RASGRP1: variants seen among roughly 807,000 people sequenced by gnomAD.
The protein encoded by RASGRP1 is RAS guanyl-releasing protein 1.
In RASGRP1, 37 loss-of-function variants were observed where a neutral mutation model predicts 95.1. The observed-to-expected ratio is 0.39, with a 90% CI of 0.30 to 0.51. The LOEUF (loss-of-function observed/expected upper bound fraction) is 0.51. Ranked by LOEUF, RASGRP1 falls within the 20% of genes least tolerant of loss-of-function variation. The probability of loss-of-function intolerance (pLI) is 0.80; values close to 1 mark genes in which losing one functional copy is unlikely to be tolerated. For synonymous variants in RASGRP1, 325 were observed against 353.4 expected, an observed-to-expected ratio of 0.92 and a Z score of 0.90; for missense variants, 711 against 965.4, an observed-to-expected ratio of 0.74 and a Z score of 3.49.
chr15:38,503,610 A>G (rs1891130506), intron 10 of RASGRP1: 1 of 523,628 alleles, frequency 1.9e-6, no homozygotes, highest in Non-Finnish European at 3.4e-6. Context: ...GCAGCTACAG[A>G]TAATTTGAAA....
intron 2 of RASGRP1, chr15:38,534,771 T>G (rs1892577631): frequency 6.6e-6 from 1 of 152,160 alleles, no homozygotes; most frequent in African/African-American, 2.4e-5. Flanking sequence ...CTCCCTCAAC[T>G]CCTGTTGCAG....
chr15:38,548,284 C>T (rs752367307), intron 2 of RASGRP1, among the ~76,000 whole-genome samples: 6 of 152,240 alleles, frequency 3.9e-5, no homozygotes, highest in Middle Eastern at 6.8e-3. Context: ...TGTTAGAGGT[C>T]GGGTGCAGTG....
chr15:38,558,944 G>A (rs770201715), intron 2 of RASGRP1, among the ~76,000 whole-genome samples: 59 of 152,060 alleles, frequency 3.9e-4, no homozygotes, highest in African/African-American at 1.2e-4. Context: ...GGTAGGCTTG[G>A]GGGGGTTGGT....
chr15:38,497,023 A>C (rs1478073095), intron 15 of RASGRP1, among the ~76,000 whole-genome samples: 1 of 152,198 alleles, frequency 6.6e-6, no homozygotes, highest in African/African-American at 2.4e-5. Flanking sequence ...GTTAAGCCCG[A>C]TTTTAAGTGC....
rs150420387 is a variant in RASGRP1, at chr15:38,488,811, A to G, written c.*1743T>C. 1.3e-5 allele frequency: 2 copies of G among 152,180 alleles called. No individual in the cohort carries two copies. The highest frequency in any genetic ancestry group is 3.9e-4 in the East Asian group (2 of 5,182). 9.4% of individuals were successfully genotyped at this position (152,180 alleles called of 1,614,324 possible). A position where few individuals can be genotyped will look rare whatever the true frequency, so the allele number is the denominator to read the frequency against. On this transcript the variant is annotated 3_prime_UTR_variant, in exon 17 of 17. Coordinates refer to ENST00000310803, the MANE Select transcript of RASGRP1 (RefSeq NM_005739.4). Reference sequence around the variant, plus strand: ...GTTTGTCCTAACTCATGCTTGTCCTATTAAAAAGAAAGTAACAAAGTGTTA... The same window carrying G: ...GTTTGTCCTAACTCATGCTTGTCCTGTTAAAAAGAAAGTAACAAAGTGTTA...
chr15:38,527,592 G>A (rs1164454106), intron 2 of RASGRP1, among the ~76,000 whole-genome samples: 3 of 152,062 alleles, frequency 2.0e-5, no homozygotes, highest in African/African-American at 7.2e-5. Context: ...TTCCAGACTG[G>A]GAACTTCAAT....
chr15:38,545,794 T>C (rs1893082781), intron 2 of RASGRP1, among the ~76,000 whole-genome samples: 1 of 152,214 alleles, frequency 6.6e-6, no homozygotes, highest in African/African-American at 2.4e-5. Context: ...GTACTCTTCC[T>C]GTGTTTTAGA....
intron 2 of RASGRP1, among the ~76,000 whole-genome samples, chr15:38,541,506 C>A (rs892907314): frequency 6.6e-6 from 1 of 152,108 alleles, no homozygotes; most frequent in Non-Finnish European, 1.5e-5. Context: ...GTAAGAGGAT[C>A]ATTTGAGCCA....
chr15:38,550,071 A>AAC (rs1325537958), intron 2 of RASGRP1, among the ~76,000 whole-genome samples: 1 of 151,908 alleles, frequency 6.6e-6, no homozygotes, highest in Non-Finnish European at 1.5e-5. Flanking sequence ...CAGCCTGGGC[A>AAC]ACATGGTGAA....
chr15:38,517,007 A>G (rs1046125625), intron 5 of RASGRP1, among the ~76,000 whole-genome samples: 5 of 152,152 alleles, frequency 3.3e-5, no homozygotes, highest in Non-Finnish European at 7.4e-5. Context: ...TCACTAAACA[A>G]GCAAAGGGAA....
intron 2 of RASGRP1, among the ~76,000 whole-genome samples, chr15:38,546,172 G>A (rs868734600): frequency 6.6e-6 from 1 of 152,240 alleles, no homozygotes; most frequent in African/African-American, 2.4e-5. Flanking sequence ...AGTATGTACT[G>A]CAGATTGGAA....
At chr15:38,550,675 T>C in intron 2 of RASGRP1, among the ~76,000 whole-genome samples, 1 of 152,180 alleles carries the variant, frequency 6.6e-6, no homozygotes, top group East Asian at 1.9e-4. Flanking sequence ...AAGATCAAAA[T>C]TGTTTAAGAT....
At chr15:38,525,682 GTCTCAC>G (rs1892191081) in intron 3 of RASGRP1, among the ~76,000 whole-genome samples, 1 of 152,166 alleles carries the variant, frequency 6.6e-6, no homozygotes, top group Non-Finnish European at 1.5e-5. Flanking sequence ...GTGCTAAACG[GTCTCAC>G]TCCGCCTACA....
At chr15:38,499,000 G>A (rs1416277256) in intron 14 of RASGRP1, 54 bp from the exon 15 acceptor site, 16 of 1,611,816 alleles carry the variant, frequency 9.9e-6, no homozygotes, top group Non-Finnish European at 1.4e-5. Context: ...CTCTTCCCCA[G>A]TGTGTCTCAC....
At chr15:38,562,591 T>C (rs1044836655) in intron 1 of RASGRP1, among the ~76,000 whole-genome samples, 2 of 152,154 alleles carry the variant, frequency 1.3e-5, no homozygotes, top group African/African-American at 4.8e-5. Context: ...AGGGGAAAGG[T>C]TTTAAAAAAA....
At chr15:38,538,654 A>G (rs553371402) in intron 2 of RASGRP1, among the ~76,000 whole-genome samples, 31 of 152,226 alleles carry the variant, frequency 2.0e-4, no homozygotes, top group Non-Finnish European at 1.0e-4. Flanking sequence ...GCTAGTAAGT[A>G]GTAGACCTGA....
intron 6 of RASGRP1, among the ~76,000 whole-genome samples, chr15:38,513,384 T>A (rs1211481296): frequency 6.6e-6 from 1 of 152,218 alleles, no homozygotes; most frequent in Non-Finnish European, 1.5e-5. Context: ...ACCTTAAAAA[T>A]GTGATCATAA....
At chr15:38,491,083 T>C (rs977918673) in intron 16 of RASGRP1, among the ~76,000 whole-genome samples, 1 of 152,204 alleles carries the variant, frequency 6.6e-6, no homozygotes. Flanking sequence ...TAATTTTATC[T>C]AAGTTTCCCC....
chr15:38,550,274 A>G (rs1291150698), intron 2 of RASGRP1, among the ~76,000 whole-genome samples: 2 of 151,888 alleles, frequency 1.3e-5, no homozygotes, highest in Non-Finnish European at 1.5e-5. Flanking sequence ...AGAAAAGAAA[A>G]AAAAGTTAAT....
Sources: gnomAD v4.1 joint callset for allele counts (sites outside exome capture counted in the v4.1 genomes callset) on GRCh38, gnomAD v4.1.1 for gene constraint, MANE v1.5 for transcripts, NCBI Gene and HGNC (gene_info 2026-07-23, HGNC 2026-07-21) for gene names.